Variants in ITFG1 observed in about 807,000 individuals in gnomAD.
The protein encoded by ITFG1 is T-cell immunomodulatory protein.
In ITFG1, 34 loss-of-function variants were observed where a neutral mutation model predicts 81.8. That is an observed-to-expected ratio of 0.42 (90% CI 0.32 to 0.55). The LOEUF is 0.55. Ranked by LOEUF, ITFG1 falls within the 20% of genes least tolerant of loss-of-function variation. ITFG1 has a pLI of 0.17. For synonymous variants in ITFG1, 285 were observed against 270.6 expected, an observed-to-expected ratio of 1.05 and a Z score of -0.52; for missense variants, 672 against 755.4, an observed-to-expected ratio of 0.89 and a Z score of 1.29.
In ITFG1 at chr16:47,277,360, A is replaced by G. The variant is rs548744781; in HGVS notation, c.1071-16665T>C. ...CCCCAGTACCCATACCCAAATCCAC[A>G]CATACTGAAGTCCATAGTCAGCCCT... On this transcript the variant is annotated intron_variant, in intron 10 of 17. Coordinates refer to ENST00000320640, the MANE Select transcript of ITFG1 (RefSeq NM_030790.5). 2.6e-4 allele frequency among the ~76,000 whole-genome samples: 39 copies of G among 152,286 alleles called. No homozygotes were observed. The South Asian group carries it at 8.1e-3, about 32-fold the overall frequency.
At chr16:47,454,537 G>A (rs1347369574) in intron 2 of ITFG1, among the ~76,000 whole-genome samples, 1 of 151,692 alleles carries the variant, frequency 6.6e-6, no homozygotes, top group Non-Finnish European at 1.5e-5. Context: ...ATTATCACTG[G>A]GATGTTTTCA....
At chr16:47,213,358 T>C (rs1348263732) in intron 14 of ITFG1, among the ~76,000 whole-genome samples, 1 of 152,198 alleles carries the variant, frequency 6.6e-6, no homozygotes, top group African/African-American at 2.4e-5. Flanking sequence ...ATATGCTCCA[T>C]GGGCATTTGA....
chr16:47,428,673 G>A, intron 6 of ITFG1, 131 bp downstream of exon 6: 7 of 662,166 alleles, frequency 1.1e-5, no homozygotes, highest in Non-Finnish European at 1.8e-5. Flanking sequence ...CCAAATCACT[G>A]ACTTTCTAAC....
At chr16:47,181,772 CG>C (rs1965127402) in intron 14 of ITFG1, among the ~76,000 whole-genome samples, 2 of 152,138 alleles carry the variant, frequency 1.3e-5, no homozygotes, top group African/African-American at 4.8e-5. Flanking sequence ...ATTGAGAAAT[CG>C]GATGTTTGCT....
chr16:47,400,488 A>C (rs995079492), intron 6 of ITFG1, among the ~76,000 whole-genome samples: 12 of 151,148 alleles, frequency 7.9e-5, no homozygotes, highest in African/African-American at 2.7e-4. Context: ...ACACACACAC[A>C]CCACTAGACA....
At chr16:47,197,598 C>T (rs1965374105) in intron 14 of ITFG1, among the ~76,000 whole-genome samples, 1 of 152,232 alleles carries the variant, frequency 6.6e-6, no homozygotes, top group Non-Finnish European at 1.5e-5. Context: ...GTTCCCCGGG[C>T]CATGGTCACT....
chr16:47,283,795 T>C (rs1966860006), intron 10 of ITFG1, among the ~76,000 whole-genome samples: 1 of 152,234 alleles, frequency 6.6e-6, no homozygotes, highest in Non-Finnish European at 1.5e-5. Context: ...AGGAAACTAA[T>C]ACACAAACCA....
intron 13 of ITFG1, among the ~76,000 whole-genome samples, chr16:47,222,963 T>C (rs1231964591): frequency 1.3e-5 from 2 of 151,936 alleles, no homozygotes; most frequent in African/African-American, 4.8e-5. Context: ...TTGACAAACC[T>C]GAGAAAAACA....
At chr16:47,282,878 A>G (rs1249390798) in intron 10 of ITFG1, among the ~76,000 whole-genome samples, 1 of 151,998 alleles carries the variant, frequency 6.6e-6, no homozygotes, top group Non-Finnish European at 1.5e-5. Context: ...AGTCACTTGT[A>G]TGTCTTTGTC....
intron 8 of ITFG1, among the ~76,000 whole-genome samples, chr16:47,318,511 T>C (rs556363962): frequency 6.6e-6 from 1 of 152,238 alleles, no homozygotes; most frequent in South Asian, 2.1e-4. Context: ...AAAATGAAAA[T>C]TATGGTTTCA....
At chr16:47,174,917 T>A (rs1965006523) in intron 14 of ITFG1, among the ~76,000 whole-genome samples, 1 of 152,170 alleles carries the variant, frequency 6.6e-6, no homozygotes, top group Non-Finnish European at 1.5e-5. Context: ...GATATCTCGA[T>A]GAAAAGAAGA....
chr16:47,263,020 C>A, intron 10 of ITFG1: 1 of 201,522 alleles, frequency 5.0e-6, no homozygotes. Flanking sequence ...TGGCTAGGGG[C>A]ACAGGGAACT....
At chr16:47,316,538 A>G (rs951835532) in intron 8 of ITFG1, among the ~76,000 whole-genome samples, 6 of 152,288 alleles carry the variant, frequency 3.9e-5, no homozygotes, top group South Asian at 2.1e-4. Flanking sequence ...CATTTATCCA[A>G]TGTGCTATCT....
At chr16:47,357,957 A>G (rs970529293) in intron 8 of ITFG1, among the ~76,000 whole-genome samples, 1 of 152,218 alleles carries the variant, frequency 6.6e-6, no homozygotes, top group African/African-American at 2.4e-5. Flanking sequence ...ATGACTCACC[A>G]AGATAGATGC....
intron 12 of ITFG1, among the ~76,000 whole-genome samples, chr16:47,249,573 G>T (rs182904581): frequency 6.6e-6 from 1 of 152,124 alleles, no homozygotes; most frequent in Admixed American, 6.5e-5. Context: ...TATGAAAACA[G>T]CCTATTCACA....
intron 8 of ITFG1, among the ~76,000 whole-genome samples, chr16:47,356,735 T>C (rs1328620469): frequency 6.6e-6 from 1 of 152,146 alleles, no homozygotes; most frequent in African/African-American, 2.4e-5. Flanking sequence ...CAACTATGAC[T>C]TATCAATGAA....
At chr16:47,408,111 C>T in intron 6 of ITFG1, among the ~76,000 whole-genome samples, 1 of 152,128 alleles carries the variant, frequency 6.6e-6, no homozygotes. Context: ...TAGAGTGATG[C>T]CAGGCTATAA....
chr16:47,370,851 G>A (rs900786422), intron 7 of ITFG1, among the ~76,000 whole-genome samples: 1 of 152,222 alleles, frequency 6.6e-6, no homozygotes, highest in Non-Finnish European at 1.5e-5. Context: ...AGCGGTGGAG[G>A]TCTCTAGCTG....
chr16:47,310,108 A>T (rs1374725654), intron 10 of ITFG1, among the ~76,000 whole-genome samples: 1 of 151,920 alleles, frequency 6.6e-6, no homozygotes, highest in Admixed American at 6.6e-5. Context: ...TCCTTGGAAA[A>T]CTCTCCAAAC....
Sources: allele counts gnomAD v4.1 joint callset (sites outside exome capture counted in the v4.1 genomes callset), GRCh38; gene constraint gnomAD v4.1.1; transcripts MANE v1.5; gene names NCBI Gene and HGNC (gene_info 2026-07-23, HGNC 2026-07-21).